Variants in GABRE observed in about 807,000 individuals in gnomAD.
The protein encoded by GABRE is gamma-aminobutyric acid receptor subunit epsilon.
Under a neutral mutation model 31.0 loss-of-function variants are expected in GABRE, and 20 were observed. The observed-to-expected ratio is 0.64, with a 90% CI of 0.45 to 0.94. The LOEUF (loss-of-function observed/expected upper bound fraction) is 0.94. Ranked by LOEUF, GABRE falls within the 40% of genes least tolerant of loss-of-function variation. GABRE has a pLI of 0.00. For synonymous variants in GABRE, 155 were observed against 150.6 expected (o/e 1.03, Z -0.21); for missense variants, 420 against 410.7 (o/e 1.02, Z -0.20).
At position 151,974,671 on chromosome X, in the gene GABRE, C is replaced by G. The variant is rs771298867; in HGVS notation, c.-46G>C. On this transcript the variant is annotated 5_prime_UTR_variant, in exon 1 of 9. Coordinates refer to ENST00000370328, the MANE Select transcript of GABRE (RefSeq NM_004961.4). ...CCACCTGCGCGGAGGTCGCGGCTCA[C>G]GCTCTGGCCGCACTGAGCGCGGGGC... The G allele has an allele frequency of 1.0e-6, 1 of 988,721 alleles. No individual in the cohort carries two copies. Among genetic ancestry groups the G allele is most frequent in the Non-Finnish European group, 1.4e-6 (1 of 716,844 alleles). 81.5% of individuals were successfully genotyped at this position (988,721 alleles called of 1,213,427 possible). A position where few individuals can be genotyped will look rare whatever the true frequency, so the allele number is the denominator to read the frequency against.
intron 5 of GABRE, among the ~76,000 whole-genome samples, chrX:151,960,550 T>G (rs1452585016): frequency 9.0e-6 from 1 of 111,664 alleles, no homozygotes; most frequent in East Asian, 2.8e-4. Context: ...AGTTCATGAA[T>G]GGCCTTGAGG....
intron 1 of GABRE, 77 bp downstream of exon 1, chrX:151,974,493 G>A: frequency 1.4e-6 from 1 of 699,370 alleles, no homozygotes; most frequent in Non-Finnish European, 2.1e-6. Context: ...GGCCGCTGGG[G>A]TCCCGGGAGC....
Position 151,954,911 on chromosome X carries a change from G to A in GABRE, c.1311C>T (p.Pro437=). 8.3e-7 allele frequency: 1 copy of A among 1,210,384 alleles called. No individual in the cohort carries two copies. Among genetic ancestry groups the A allele is most frequent in the Non-Finnish European group, 1.1e-6 (1 of 894,921 alleles). The part of the protein sequence containing the change: ...QPPSPGSPEG[P]RSLCSKLACC... ...AGGCCAGCTTGGAGCAGAGGCTGCG[G>A]GGACCCTCAGGGCTACCTGGGCTAG... Residue 437 remains proline (P), a synonymous_variant, in exon 9 of 9, where the codon CCC becomes CCT. Transcript: ENST00000370328.
intron 1 of GABRE, chrX:151,971,198 C>A: frequency 1.7e-6 from 1 of 602,555 alleles, no homozygotes; most frequent in Non-Finnish European, 2.3e-6. Context: ...ACAAAGGGGG[C>A]TTCTGAGGTC....
At position 151,959,987 on chromosome X, in the gene GABRE, A is replaced by G. The variant is rs1934310077; in HGVS notation, c.647-11T>C. ...TCTCAGGATAGGAAACTGGAAAGGA[A>G]TGTGAGAAAGAGGGTCTTATGAGAC... On this transcript the variant is annotated splice_polypyrimidine_tract_variant and intron_variant, in intron 5 of 8. Transcript: ENST00000370328. 4 of 1,203,670 alleles carry G rather than the reference A, an allele frequency of 3.3e-6. No homozygotes were observed. Among genetic ancestry groups the G allele is most frequent in the South Asian group, 1.8e-5 (1 of 56,015 alleles).
chrX:151,962,909 C>T (rs1020512049), intron 3 of GABRE, among the ~76,000 whole-genome samples: 19 of 111,449 alleles, frequency 1.7e-4, no homozygotes, highest in African/African-American at 6.2e-4. Context: ...GCTTGATTAC[C>T]GTGAGCAAGG....
Position 151,955,731 on chromosome X carries a change from G to T in GABRE, c.914C>A (p.Ser305Tyr). 8.2e-7 allele frequency: 1 copy of T among 1,212,144 alleles called. No homozygotes were observed. The highest frequency in any genetic ancestry group is 1.1e-6 in the Non-Finnish European group (1 of 895,583). The change falls in exon 7 of 9, where the codon TCT becomes TAT. Residue 305 changes from serine (S) to tyrosine (Y), a missense_variant. Transcript: ENST00000370328. ...SWVSFWIKTE[S>Y]APARTSLGIT... ...ACCTAGAGAGGTCCGGGCTGGAGCA[G>T]ACTCTGTCTTGATCCAAAAGGAAAC...
intron 1 of GABRE, among the ~76,000 whole-genome samples, chrX:151,973,686 C>T (rs1603109527): frequency 9.0e-6 from 1 of 111,550 alleles, no homozygotes; most frequent in East Asian, 2.8e-4. Context: ...ACGAAGCAGT[C>T]ATCTTCCACC....
At chrX:151,974,315 CGTCTTCCTTCTGGCGTCCT>C (rs1934823121) in intron 1 of GABRE, among the ~76,000 whole-genome samples, 1 of 111,735 alleles carries the variant, frequency 8.9e-6, no homozygotes, top group Admixed American at 9.4e-5. Context: ...ACTGGAGTCC[CGTCTTCCTTCTGGCGTCCT>C]GTCTTCCTTT....
chrX:151,962,612 G>A lies in GABRE; in HGVS notation c.374C>T (p.Thr125Ile). ...GTAACAGAGGCGTTCGTCGTACCAGGTCTGGGAGAAGATGATGTCAATGGT... is the reference window on the plus strand; with the variant it reads ...GTAACAGAGGCGTTCGTCGTACCAGATCTGGGAGAAGATGATGTCAATGGT... ...EYTIDIIFSQ[T>I]WYDERLCYND... The change falls in exon 4 of 9, where the codon ACC becomes ATC. Residue 125 changes from threonine to isoleucine, a missense_variant. Transcript: ENST00000370328. 8.3e-7 allele frequency: 1 copy of A among 1,210,341 alleles called. No individual in the cohort carries two copies. The highest frequency in any genetic ancestry group is 1.7e-5 in the African/African-American group (1 of 57,730).
intron 1 of GABRE, 44 bp downstream of exon 1, chrX:151,974,526 G>A: frequency 9.9e-7 from 1 of 1,005,221 alleles, no homozygotes; most frequent in Middle Eastern, 2.6e-4. Flanking sequence ...CGGGGAGAGG[G>A]AGCTGGGCGC....
In GABRE at chrX:151,969,284, G is replaced by A. The variant is rs185610597; in HGVS notation, c.342+385C>T. The stretch of plus-strand genomic sequence containing the variant: ...GGCAGTGCTGACACTATGATGATAC[G>A]AGTGGAAAAGGAAAGAAGGAAGTAG... On this transcript the variant is annotated intron_variant, in intron 3 of 8. Transcript: ENST00000370328. 283 of 117,932 alleles carry A rather than the reference G, an allele frequency of 2.4e-3. 1 individual carries two copies. Among genetic ancestry groups the A allele is most frequent in the African/African-American group, 8.7e-3 (270 of 30,915 alleles). The allele number at this position is 117,932 out of a possible 1,213,427, so 9.7% of individuals were successfully genotyped here. A position where few individuals can be genotyped will look rare whatever the true frequency, so the allele number is the denominator to read the frequency against.
At chrX:151,967,088 G>T (rs754004722) in intron 3 of GABRE, among the ~76,000 whole-genome samples, 1 of 111,859 alleles carries the variant, frequency 8.9e-6, no homozygotes, top group South Asian at 3.8e-4. Flanking sequence ...AGTTTTACAG[G>T]ATGCTCTGTC....
chrX:151,971,157 C>T (rs1934683293), intron 1 of GABRE: 9 of 828,181 alleles, frequency 1.1e-5, no homozygotes, highest in African/African-American at 2.2e-5. Flanking sequence ...GTTAGAAGTC[C>T]GGATAGTGCT....
At chrX:151,963,621 C>G (rs180991767) in intron 3 of GABRE, among the ~76,000 whole-genome samples, 127 of 112,507 alleles carry the variant, frequency 1.1e-3, no homozygotes, top group African/African-American at 3.8e-3. Context: ...AAACTGAAAT[C>G]TAGAGCACCT....
chrX:151,961,194 C>T, intron 5 of GABRE, 89 bp downstream of exon 5: 1 of 614,103 alleles, frequency 1.6e-6, no homozygotes. Flanking sequence ...AGAAGAAAAG[C>T]AGAGGCAGAA....
intron 1 of GABRE, chrX:151,972,788 C>T (rs2124186948): frequency 3.0e-6 from 1 of 338,501 alleles, no homozygotes; most frequent in East Asian, 2.1e-4. Flanking sequence ...TAAAGAGCTG[C>T]TGACAATGCA....
At chrX:151,972,733 A>C in intron 1 of GABRE, 1 of 659,570 alleles carries the variant, frequency 1.5e-6, no homozygotes, top group Non-Finnish European at 1.8e-6. Context: ...AAAAAACACA[A>C]CAATAAACAA....
chrX:151,954,903 A>C lies in GABRE; in HGVS notation c.1319T>G (p.Leu440Arg). The change falls in exon 9 of 9, where the codon CTC becomes CGC. Residue 440 changes from leucine (L) to arginine (R), a missense_variant. By Grantham distance (102) the Leu-to-Arg change is moderately radical. Transcript: ENST00000370328. Reference protein sequence around the residue: ...SPGSPEGPRSLCSKLACCEWC... With the variant: ...SPGSPEGPRSRCSKLACCEWC... ...CTCACAGCAGGCCAGCTTGGAGCAG[A>C]GGCTGCGGGGACCCTCAGGGCTACC... The C allele has an allele frequency of 8.3e-7, 1 of 1,210,870 alleles. No homozygotes were observed. The highest frequency in any genetic ancestry group is 1.1e-6 in the Non-Finnish European group (1 of 895,142).
Sources: gnomAD v4.1 joint callset for allele counts (sites outside exome capture counted in the v4.1 genomes callset) on GRCh38, gnomAD v4.1.1 for gene constraint, MANE v1.5 for transcripts, NCBI Gene and HGNC (gene_info 2026-07-23, HGNC 2026-07-21) for gene names.